The following PREP variants were observed in gnomAD, a reference collection of about 807,000 sequenced individuals.
PREP encodes the protein prolyl endopeptidase.
PREP carries 29 observed loss-of-function variants against 87.6 expected under a neutral mutation model. The observed-to-expected ratio is 0.33, with a 90% CI of 0.25 to 0.45. The LOEUF (loss-of-function observed/expected upper bound fraction) is 0.45. Ranked by LOEUF, PREP falls within the 20% of genes least tolerant of loss-of-function variation. The pLI, the probability that PREP is intolerant of heterozygous loss-of-function variation, is 1.00. For synonymous variants in PREP, 337 were observed against 328.6 expected (o/e 1.03, Z -0.28); for missense variants, 695 against 886.5 (o/e 0.78, Z 2.74).
intron 4 of PREP, among the ~76,000 whole-genome samples, 171 bp downstream of exon 4, chr6:105,375,954 G>A (rs1054541731): frequency 4.6e-5 from 7 of 152,176 alleles, no homozygotes; most frequent in African/African-American, 1.7e-4. Context: ...GACTATTCAT[G>A]TATTCTAAAT....
chr6:105,368,462 AAAC>A (rs1772452183), intron 6 of PREP, among the ~76,000 whole-genome samples: 1 of 152,206 alleles, frequency 6.6e-6, no homozygotes, highest in Admixed American at 6.5e-5. Flanking sequence ...TTTAATGTAA[AAAC>A]AAGTGAACAA....
intron 7 of PREP, among the ~76,000 whole-genome samples, chr6:105,342,646 C>G (rs1019681773): frequency 2.0e-5 from 3 of 152,186 alleles, no homozygotes; most frequent in African/African-American, 7.2e-5. Flanking sequence ...ACTGTGTCAG[C>G]CCAAAACCTC....
intron 1 of PREP, among the ~76,000 whole-genome samples, chr6:105,401,212 G>A (rs943717066): frequency 6.6e-6 from 1 of 152,184 alleles, no homozygotes; most frequent in African/African-American, 2.4e-5. Flanking sequence ...CAAACTGTAG[G>A]ATTTAGGCAC....
intron 2 of PREP, among the ~76,000 whole-genome samples, chr6:105,384,207 G>A (rs187745315): frequency 3.3e-5 from 5 of 152,182 alleles, no homozygotes; most frequent in South Asian, 4.2e-4. Context: ...GTGAGGCTGC[G>A]GCTCATCTCA....
rs1583043747 is a variant in PREP, at chr6:105,302,459, G to A, written c.1318-13565C>T. On this transcript the variant is annotated intron_variant, in intron 10 of 14. Coordinates refer to ENST00000652536, the MANE Select transcript of PREP (RefSeq NM_002726.5). ...TTTATTGACAATGTGACGTTCAGGCGTTCACTGTGTACTTCTGCAGCGGGT... is the reference window on the plus strand; with the variant it reads ...TTTATTGACAATGTGACGTTCAGGCATTCACTGTGTACTTCTGCAGCGGGT... 6 of 275,330 alleles carry A rather than the reference G, an allele frequency of 2.2e-5. No individual in the cohort carries two copies. The East Asian group carries it at 3.0e-4, about 14-fold the overall frequency. The allele number at this position is 275,330 out of a possible 1,614,324, so 17.1% of individuals were successfully genotyped here.
chr6:105,386,404 C>T (rs534773673), intron 2 of PREP, among the ~76,000 whole-genome samples: 10 of 152,094 alleles, frequency 6.6e-5, no homozygotes, highest in Non-Finnish European at 1.5e-4. Flanking sequence ...CAGACAAGAG[C>T]GCAAGTAGAA....
At chr6:105,354,111 A>G (rs1449890807) in intron 6 of PREP, among the ~76,000 whole-genome samples, 2 of 152,174 alleles carry the variant, frequency 1.3e-5, no homozygotes, top group Admixed American at 6.5e-5. Context: ...GTCCATGTTG[A>G]TATGTGTAAA....
At chr6:105,368,118 C>T (rs1230103897) in intron 6 of PREP, among the ~76,000 whole-genome samples, 5 of 152,184 alleles carry the variant, frequency 3.3e-5, no homozygotes, top group South Asian at 2.1e-4. Flanking sequence ...TAACAAACTG[C>T]TAATTGTTTT....
intron 2 of PREP, among the ~76,000 whole-genome samples, chr6:105,381,150 C>T (rs1313036423): frequency 6.6e-6 from 1 of 152,150 alleles, no homozygotes; most frequent in Non-Finnish European, 1.5e-5. Flanking sequence ...TTTAAATAGA[C>T]CATTAAAGAC....
At position 105,308,246 on chromosome 6, in the gene PREP, GA is replaced by G. The variant is rs966755644; in HGVS notation, c.1317+15418del. Among the ~76,000 whole-genome samples the G allele has an allele frequency of 2.7e-5, 4 of 150,518 alleles. No homozygotes were observed. In the South Asian group the frequency reaches 8.4e-4, roughly 32 times the overall value. ...ATGAAGATTTGACCGTCCAGAGGCT[GA>G]AAAAAAAATAAATACAAACTAATGA... On this transcript the variant is annotated intron_variant, in intron 10 of 14. Transcript: ENST00000652536.
At chr6:105,330,453 G>A (rs901553647) in intron 8 of PREP, among the ~76,000 whole-genome samples, 2 of 152,184 alleles carry the variant, frequency 1.3e-5, no homozygotes, top group Admixed American at 6.5e-5. Context: ...TTAACTCCCA[G>A]GGCTGCAACT....
chr6:105,385,610 G>A (rs1772971278), intron 2 of PREP, among the ~76,000 whole-genome samples: 1 of 152,170 alleles, frequency 6.6e-6, no homozygotes, highest in East Asian at 1.9e-4. Context: ...ACTTGTCCCA[G>A]ATAACTCTAA....
chr6:105,287,216 A>G (rs1770206462), intron 11 of PREP, among the ~76,000 whole-genome samples: 1 of 152,140 alleles, frequency 6.6e-6, no homozygotes, highest in African/African-American at 2.4e-5. Context: ...TTAATATTAC[A>G]TATTTGTTAT....
intron 6 of PREP, among the ~76,000 whole-genome samples, chr6:105,354,632 A>G (rs2114686198): frequency 6.6e-6 from 1 of 152,188 alleles, no homozygotes; most frequent in South Asian, 2.1e-4. Flanking sequence ...TGGCCTTAAC[A>G]GAACACTGAC....
rs1562187845 is a variant in PREP, at chr6:105,288,913, G to A, written c.1318-19C>T. 3.1e-6 allele frequency: 5 copies of A among 1,603,790 alleles called. No homozygotes were observed. The highest frequency in any genetic ancestry group is 4.3e-6 in the Non-Finnish European group (5 of 1,171,656). On this transcript the variant is annotated intron_variant, in intron 10 of 14. Coordinates refer to ENST00000652536, the MANE Select transcript of PREP (RefSeq NM_002726.5). Reference sequence around the variant, plus strand: ...AGAAAATCTAGAATATAAGAAAGCAGAATATAAGATTTAGCATTACTTAGT... The same window carrying A: ...AGAAAATCTAGAATATAAGAAAGCAAAATATAAGATTTAGCATTACTTAGT...
intron 1 of PREP, among the ~76,000 whole-genome samples, chr6:105,398,617 T>A (rs1329395939): frequency 6.6e-6 from 1 of 152,106 alleles, no homozygotes; most frequent in Non-Finnish European, 1.5e-5. Flanking sequence ...TTGGAAGAAA[T>A]AAAACTGCTT....
intron 7 of PREP, among the ~76,000 whole-genome samples, chr6:105,340,408 G>A (rs970001347): frequency 6.6e-6 from 1 of 152,080 alleles, no homozygotes; most frequent in Non-Finnish European, 1.5e-5. Flanking sequence ...AACATGGAAA[G>A]GAACAACCGG....
intron 2 of PREP, among the ~76,000 whole-genome samples, chr6:105,382,447 C>T (rs879723308): frequency 2.0e-5 from 3 of 151,998 alleles, no homozygotes; most frequent in South Asian, 2.1e-4. Flanking sequence ...AATTGACTTA[C>T]GAAATACAGA....
intron 9 of PREP, among the ~76,000 whole-genome samples, chr6:105,324,424 C>T (rs1771093272): frequency 6.6e-6 from 1 of 152,196 alleles, no homozygotes. Flanking sequence ...GCGTATGTAA[C>T]ACTAATTAAA....
Sources: allele counts gnomAD v4.1 joint callset (sites outside exome capture counted in the v4.1 genomes callset), GRCh38; gene constraint gnomAD v4.1.1; transcripts MANE v1.5; gene names NCBI Gene and HGNC (gene_info 2026-07-23, HGNC 2026-07-21).